Variants in CDH18 observed in about 807,000 individuals in gnomAD.
CDH18 encodes cadherin 18, also known as cadherin-18.
A neutral mutation model predicts 67.9 loss-of-function variants in CDH18; 31 were observed. The observed-to-expected ratio is 0.46, with a 90% CI of 0.34 to 0.62. CDH18 has a LOEUF of 0.62. CDH18 is among the 20% of genes least tolerant of loss of function. CDH18 has a pLI of 0.01. For synonymous variants in CDH18, 362 were observed against 347.2 expected (o/e 1.04, Z -0.48); for missense variants, 890 against 975.5 (o/e 0.91, Z 1.17).
intron 10 of CDH18, among the ~76,000 whole-genome samples, chr5:19,510,274 A>C (rs1472665028): frequency 6.6e-6 from 1 of 152,268 alleles, no homozygotes; most frequent in South Asian, 2.1e-4. Context: ...AAACTAAAGA[A>C]TACAGATTCG....
intron 6 of CDH18, among the ~76,000 whole-genome samples, chr5:19,601,764 A>G (rs896554570): frequency 2.0e-5 from 3 of 152,040 alleles, no homozygotes; most frequent in Admixed American, 2.0e-4. Context: ...AGCAATTGGG[A>G]TTTTTTTTCC....
chr5:19,733,364 A>G (rs1356863329), intron 4 of CDH18, among the ~76,000 whole-genome samples: 2 of 152,154 alleles, frequency 1.3e-5, no homozygotes, highest in Non-Finnish European at 2.9e-5. Context: ...AAACTCTTGA[A>G]TGGATCAGTA....
chr5:20,291,859 A>G (rs1235217251), intron 1 of CDH18, among the ~76,000 whole-genome samples: 2 of 152,194 alleles, frequency 1.3e-5, no homozygotes, highest in Admixed American at 1.3e-4. Context: ...ACTTTACCAT[A>G]GAGAAACTTC....
At chr5:19,712,296 A>T (rs1210524406) in intron 5 of CDH18, among the ~76,000 whole-genome samples, 3 of 152,064 alleles carry the variant, frequency 2.0e-5, no homozygotes, top group Non-Finnish European at 4.4e-5. Context: ...AATTTATAGA[A>T]ATAAAAGAAA....
In CDH18 at chr5:20,203,102, G is replaced by T. The variant is rs114126450; in HGVS notation, c.-518+52342C>A. 1.0e-3 allele frequency among the ~76,000 whole-genome samples: 158 copies of T among 152,160 alleles called. 1 individual carries two copies. The highest frequency in any genetic ancestry group is 3.7e-3 in the African/African-American group (152 of 41,528). ...GATGGTGCTCTCCCCAATCCGCCTG[G>T]CACCAAGCCTGTGAAAAATGTTCCT... is the stretch of plus-strand genomic sequence containing the variant. On this transcript the variant is annotated intron_variant, in intron 2 of 14. Coordinates refer to the CDH18 transcript ENST00000507958.
intron 11 of CDH18, among the ~76,000 whole-genome samples, chr5:19,497,534 A>C (rs1249256917): frequency 6.6e-6 from 1 of 152,238 alleles, no homozygotes; most frequent in African/African-American, 2.4e-5. Flanking sequence ...TCAGATTCCA[A>C]ATTCAAGAGG....
chr5:19,709,504 C>T (rs1257909345), intron 5 of CDH18, among the ~76,000 whole-genome samples: 4 of 151,606 alleles, frequency 2.6e-5, no homozygotes, highest in African/African-American at 9.7e-5. Flanking sequence ...GAGGCAGAGG[C>T]TGCAGTGAGC....
At chr5:20,423,195 G>T (rs912439089) in intron 1 of CDH18, among the ~76,000 whole-genome samples, 21 of 151,458 alleles carry the variant, frequency 1.4e-4, no homozygotes, top group African/African-American at 4.7e-4. Context: ...AAGCAGGCAT[G>T]CGCCCACTAG....
At chr5:20,035,913 G>A (rs1739820461) in intron 2 of CDH18, among the ~76,000 whole-genome samples, 1 of 151,990 alleles carries the variant, frequency 6.6e-6, no homozygotes, top group Non-Finnish European at 1.5e-5. Flanking sequence ...TAGCAGGACT[G>A]AATTTGATAG....
chr5:20,568,174 G>A (rs1758620211), intron 1 of CDH18, among the ~76,000 whole-genome samples: 1 of 152,152 alleles, frequency 6.6e-6, no homozygotes, highest in East Asian at 1.9e-4. Context: ...CTTCTCTAAG[G>A]TTCTAGAGTG....
intron 8 of CDH18, among the ~76,000 whole-genome samples, chr5:19,547,499 G>T (rs1230764085): frequency 3.9e-5 from 6 of 152,164 alleles, no homozygotes; most frequent in African/African-American, 1.4e-4. Flanking sequence ...CAGTCTGGAA[G>T]AAAATAGGTT....
At chr5:20,022,198 T>C (rs973763023) in intron 2 of CDH18, among the ~76,000 whole-genome samples, 5 of 152,226 alleles carry the variant, frequency 3.3e-5, no homozygotes, top group African/African-American at 1.2e-4. Context: ...ATTGAGTTCA[T>C]ATTAAGCAAG....
At chr5:20,397,796 G>A (rs1204660223) in intron 1 of CDH18, among the ~76,000 whole-genome samples, 3 of 151,972 alleles carry the variant, frequency 2.0e-5, no homozygotes, top group Non-Finnish European at 4.4e-5. Flanking sequence ...TAATGTGATA[G>A]CTCACATTCT....
chr5:19,583,676 T>C (rs1220411278), intron 7 of CDH18, among the ~76,000 whole-genome samples: 1 of 152,164 alleles, frequency 6.6e-6, no homozygotes, highest in Non-Finnish European at 1.5e-5. Flanking sequence ...GTAGTTATTA[T>C]TGAGGTAGTA....
chr5:19,734,363 G>A (rs1417273628), intron 4 of CDH18, among the ~76,000 whole-genome samples: 4 of 152,118 alleles, frequency 2.6e-5, no homozygotes, highest in African/African-American at 9.7e-5. Flanking sequence ...CAGAAGAGGG[G>A]ACTTGTGATA....
intron 4 of CDH18, among the ~76,000 whole-genome samples, chr5:19,733,609 C>T (rs925657330): frequency 6.6e-6 from 1 of 152,218 alleles, no homozygotes; most frequent in East Asian, 1.9e-4. Context: ...AAGTCTATAA[C>T]ACTGGCCCTC....
intron 2 of CDH18, among the ~76,000 whole-genome samples, chr5:19,977,497 T>C (rs1367579651): frequency 6.6e-6 from 1 of 152,174 alleles, no homozygotes; most frequent in Admixed American, 6.6e-5. Flanking sequence ...CTGGCATATG[T>C]CACTCCATTT....
chr5:19,787,346 G>GTGCT (rs1775913003), intron 3 of CDH18, among the ~76,000 whole-genome samples: 1 of 152,046 alleles, frequency 6.6e-6, no homozygotes, highest in Admixed American at 6.6e-5. Flanking sequence ...CAGCTACTAG[G>GTGCT]GAGGCTGAGG....
chr5:19,818,621 C>A (rs1165177925), intron 3 of CDH18, among the ~76,000 whole-genome samples: 2 of 152,004 alleles, frequency 1.3e-5, no homozygotes, highest in Non-Finnish European at 2.9e-5. Context: ...TTACACAAAC[C>A]GAGATGCAAT....
Sources: allele counts gnomAD v4.1 joint callset (sites outside exome capture counted in the v4.1 genomes callset), GRCh38; gene constraint gnomAD v4.1.1; transcripts MANE v1.5; gene names NCBI Gene and HGNC (gene_info 2026-07-23, HGNC 2026-07-21).